Variants in ACOT12 observed in about 807,000 individuals in gnomAD.
The protein encoded by ACOT12 is acetyl-coenzyme A thioesterase.
In ACOT12, 51 loss-of-function variants were observed where a neutral mutation model predicts 67.7. The observed-to-expected ratio is 0.75, with a 90% confidence interval of 0.60 to 0.95. ACOT12 has a LOEUF of 0.95. Ranked by LOEUF, ACOT12 falls within the 40% of genes least tolerant of loss-of-function variation. The pLI is 0.00. For missense variants in ACOT12, 734 were observed against 708.1 expected (o/e 1.04, Z -0.41); for synonymous variants, 251 against 244.6 (o/e 1.03, Z -0.24).
the ACOT12 span, chr5:81,312,474 C>A: frequency 8.0e-7 from 1 of 1,245,482 alleles, no homozygotes; most frequent in South Asian, 1.3e-5. Flanking sequence ...TTTCCCAAAC[C>A]AATAACAATC....
chr5:81,343,755 C>G (rs762241735), intron 10 of ACOT12, 63 bp downstream of exon 10: 3 of 1,543,880 alleles, frequency 1.9e-6, no homozygotes, highest in Admixed American at 3.6e-5. Context: ...GTTAGGCAAG[C>G]GGATTTCCAT....
intron 13 of ACOT12, among the ~76,000 whole-genome samples, chr5:81,332,087 C>T (rs1036355581): frequency 1.4e-4 from 21 of 152,192 alleles, no homozygotes; most frequent in African/African-American, 4.8e-4. Context: ...ATACTCTGAT[C>T]GACAGCCCCA....
At chr5:81,367,824 A>G (rs866909501) in intron 3 of ACOT12, among the ~76,000 whole-genome samples, 3 of 152,212 alleles carry the variant, frequency 2.0e-5, no homozygotes, top group Admixed American at 6.5e-5. Context: ...TTTATAAGAA[A>G]CCCACTTACA....
At chr5:81,321,122 G>A in the ACOT12 span, among the ~76,000 whole-genome samples, 1 of 152,164 alleles carries the variant, frequency 6.6e-6, no homozygotes, top group African/African-American at 2.4e-5. Context: ...AGAACGTGGT[G>A]GCTTGCACCT....
intron 11 of ACOT12, among the ~76,000 whole-genome samples, chr5:81,337,773 T>G (rs1042924768): frequency 2.0e-5 from 3 of 152,228 alleles, no homozygotes; most frequent in African/African-American, 7.2e-5. Context: ...AATAGATTTC[T>G]AATGTGTCCA....
chr5:81,323,237 T>C, the ACOT12 span, among the ~76,000 whole-genome samples: 2 of 152,102 alleles, frequency 1.3e-5, no homozygotes, highest in African/African-American at 4.8e-5. Context: ...TTCAGAAGTA[T>C]ACAAGAATAA....
At chr5:81,388,329 C>T (rs1485765980) in intron 1 of ACOT12, among the ~76,000 whole-genome samples, 3 of 152,172 alleles carry the variant, frequency 2.0e-5, no homozygotes, top group Non-Finnish European at 1.5e-5. Flanking sequence ...CCATAGGGTC[C>T]TGGCTTCACA....
chr5:81,312,723 C>G, the ACOT12 span: 1 of 1,298,586 alleles, frequency 7.7e-7, no homozygotes, highest in Non-Finnish European at 1.1e-6. Flanking sequence ...AGGCCCGCTT[C>G]ACGAGTTAGA....
rs553697141 is a variant in ACOT12, at chr5:81,359,006, G to A, written c.496+897C>T. Reference sequence around the variant, plus strand: ...GGCAGAATAAAGGCTTTGCACTTCTGCCATACTGGCTGCTACCTCTCCCTT... The same window carrying A: ...GGCAGAATAAAGGCTTTGCACTTCTACCATACTGGCTGCTACCTCTCCCTT... On this transcript the variant is annotated intron_variant, in intron 5 of 14. Transcript: ENST00000307624. Among the ~76,000 whole-genome samples, 12 of 152,240 alleles carry A rather than the reference G, an allele frequency of 7.9e-5. No homozygotes were observed. The South Asian group carries it at 2.5e-3, about 32-fold the overall frequency.
At chr5:81,383,111 C>G (rs1041711765) in intron 2 of ACOT12, among the ~76,000 whole-genome samples, 3 of 152,114 alleles carry the variant, frequency 2.0e-5, no homozygotes, top group Non-Finnish European at 4.4e-5. Flanking sequence ...CAAACCCTCA[C>G]CAGCCGGGCG....
chr5:81,350,327 A>C (rs1226986623), intron 5 of ACOT12, among the ~76,000 whole-genome samples: 3 of 151,650 alleles, frequency 2.0e-5, no homozygotes, highest in Admixed American at 6.6e-5. Flanking sequence ...TCTTTGTTAA[A>C]CCTTCTAGGT....
At chr5:81,341,724 C>T (rs1759198669) in intron 11 of ACOT12, among the ~76,000 whole-genome samples, 1 of 151,982 alleles carries the variant, frequency 6.6e-6, no homozygotes, top group Non-Finnish European at 1.5e-5. Flanking sequence ...CCGAGGGTCT[C>T]CTAAAAAACC....
rs572341415 is a variant in ACOT12 at position 81,338,397 on chromosome 5, T to C, written c.1129-2496A>G. Among the ~76,000 whole-genome samples, 137 of 152,170 alleles carry C rather than the reference T, an allele frequency of 9.0e-4. 1 individual carries two copies. Among genetic ancestry groups the C allele is most frequent in the African/African-American group, 2.4e-3 (101 of 41,516 alleles). On this transcript the variant is annotated intron_variant, in intron 11 of 14. Transcript: ENST00000307624. Reference sequence around the variant, plus strand: ...TCTTGTGATAGTGAGTGAGTTCTCATGAGATCTGGTTGTTTGAAAGTGTGT... The same window carrying C: ...TCTTGTGATAGTGAGTGAGTTCTCACGAGATCTGGTTGTTTGAAAGTGTGT...
chr5:81,374,377 T>C (rs1234033019), intron 2 of ACOT12, among the ~76,000 whole-genome samples: 1 of 152,026 alleles, frequency 6.6e-6, no homozygotes, highest in Non-Finnish European at 1.5e-5. Flanking sequence ...CCCATGAAGA[T>C]GGGGAGAAAA....
At chr5:81,345,101 GCACACCGC>G in intron 7 of ACOT12, 60 bp from the exon 8 acceptor site, 2 of 669,834 alleles carry the variant, frequency 3.0e-6, no homozygotes, top group South Asian at 4.1e-5. Context: ...GGCCCTCCTT[GCACACCGC>G]TGCCACCTCC....
At chr5:81,311,157 T>G in the ACOT12 span, 1 of 1,597,646 alleles carries the variant, frequency 6.3e-7, no homozygotes, top group Non-Finnish European at 8.6e-7. Context: ...TTTGAGATGT[T>G]AAAAACCCCT....
intron 3 of ACOT12, among the ~76,000 whole-genome samples, chr5:81,370,456 T>G (rs888844583): frequency 6.6e-6 from 1 of 152,196 alleles, no homozygotes; most frequent in Admixed American, 6.5e-5. Flanking sequence ...CAGATGTAAT[T>G]AGTTAAGATG....
At chr5:81,331,640 A>G (rs1758832797) in intron 13 of ACOT12, among the ~76,000 whole-genome samples, 1 of 152,212 alleles carries the variant, frequency 6.6e-6, no homozygotes, top group South Asian at 2.1e-4. Context: ...TTGCGCTCCC[A>G]TGCTATTTTC....
Position 81,332,471 on chromosome 5 carries a change from A to C in ACOT12, c.1391+6T>G. ...TTAATAGAACACTTGGACTGCATAT[A>C]CTCACCCATCTTTGAGGGGTTTTCT... is the stretch of plus-strand genomic sequence containing the variant. On this transcript the variant is annotated splice_donor_region_variant and intron_variant, in intron 13 of 14. Transcript: ENST00000307624. 6.2e-7 allele frequency: 1 copy of C among 1,613,826 alleles called. No homozygotes were observed. Among genetic ancestry groups the C allele is most frequent in the Non-Finnish European group, 8.5e-7 (1 of 1,179,902 alleles).
Sources: allele counts gnomAD v4.1 joint callset (sites outside exome capture counted in the v4.1 genomes callset), GRCh38; gene constraint gnomAD v4.1.1; transcripts MANE v1.5; gene names NCBI Gene and HGNC (gene_info 2026-07-23, HGNC 2026-07-21).